C1orf141: variants seen among roughly 807,000 people sequenced by gnomAD.
C1orf141 encodes the protein chromosome 1 open reading frame 141.
Under a neutral mutation model 23.2 loss-of-function variants are expected in C1orf141, and 19 were observed. That is an observed-to-expected ratio of 0.82 (90% CI 0.57 to 1.20). The LOEUF is 1.20. C1orf141 is among the 50% of genes most tolerant of loss of function. The pLI, the probability that C1orf141 is intolerant of heterozygous loss-of-function variation, is 0.00. For synonymous variants in C1orf141, 153 were observed against 154.6 expected, an observed-to-expected ratio of 0.99 and a Z score of 0.08; for missense variants, 469 against 455.1, an observed-to-expected ratio of 1.03 and a Z score of -0.28.
intron 2 of C1orf141, among the ~76,000 whole-genome samples, chr1:67,129,067 G>GT (rs1196370936): frequency 2.0e-5 from 3 of 151,706 alleles, no homozygotes; most frequent in Non-Finnish European, 4.4e-5. Context: ...ATTTCTTCAT[G>GT]TACTGAATGA....
At chr1:67,125,645 G>C (rs1270034595) in intron 4 of C1orf141, 107 bp downstream of exon 4, 2 of 1,075,470 alleles carry the variant, frequency 1.9e-6, no homozygotes. Flanking sequence ...GCTGCAGTGA[G>C]CCATGTTTGC....
At chr1:67,136,933 T>C (rs1018214406), upstream of C1orf141, among the ~76,000 whole-genome samples, 3 of 152,240 alleles carry the variant, frequency 2.0e-5, no homozygotes, top group African/African-American at 7.2e-5. Flanking sequence ...AATTCAGTAT[T>C]TACTGAATGA....
At chr1:67,114,739 C>T (rs1323492076) in intron 5 of C1orf141, among the ~76,000 whole-genome samples, 6 of 152,148 alleles carry the variant, frequency 3.9e-5, no homozygotes, top group African/African-American at 7.2e-5. Flanking sequence ...TGCAGTGGCA[C>T]GATCTCAGCT....
chr1:67,102,492 A>T (rs557480628), intron 5 of C1orf141, among the ~76,000 whole-genome samples: 1 of 151,040 alleles, frequency 6.6e-6, no homozygotes, highest in African/African-American at 2.4e-5. Context: ...TTGGGAAAAC[A>T]TTTTTTTTTC....
At chr1:67,108,006 G>A (rs756145285) in intron 5 of C1orf141, among the ~76,000 whole-genome samples, 2 of 152,100 alleles carry the variant, frequency 1.3e-5, no homozygotes, top group Non-Finnish European at 2.9e-5. Flanking sequence ...TGAGAACTCT[G>A]CCATATACAC....
chr1:67,097,377 G>A (rs984692404), intron 5 of C1orf141, among the ~76,000 whole-genome samples: 4 of 152,188 alleles, frequency 2.6e-5, no homozygotes, highest in Admixed American at 6.6e-5. Flanking sequence ...TCTTTTAAGA[G>A]GGGATATTTG....
chr1:67,131,786 CTTTTTT>C (rs796496335), intron 1 of C1orf141, among the ~76,000 whole-genome samples: 1 of 121,514 alleles, frequency 8.2e-6, no homozygotes, highest in Non-Finnish European at 1.7e-5. Context: ...ACTACCTCTT[CTTTTTT>C]TTTTTTTTTT....
intron 5 of C1orf141, among the ~76,000 whole-genome samples, chr1:67,103,543 T>C (rs753231155): frequency 2.6e-4 from 40 of 152,124 alleles, no homozygotes; most frequent in Non-Finnish European, 5.1e-4. Flanking sequence ...TATTTAATTC[T>C]CAAAAAAACC....
At chr1:67,104,386 T>C (rs1220048982) in intron 5 of C1orf141, among the ~76,000 whole-genome samples, 3 of 151,980 alleles carry the variant, frequency 2.0e-5, no homozygotes, top group Non-Finnish European at 4.4e-5. Flanking sequence ...TTTATTGGGA[T>C]TAAAAGATAA....
At chr1:67,106,695 A>G (rs1035049285) in intron 5 of C1orf141, among the ~76,000 whole-genome samples, 11 of 152,076 alleles carry the variant, frequency 7.2e-5, no homozygotes, top group Admixed American at 5.2e-4. Flanking sequence ...AAACAAACAA[A>G]AACTATGCTT....
chr1:67,137,311 CAG>C (rs547585177), upstream of C1orf141, among the ~76,000 whole-genome samples: 24 of 152,276 alleles, frequency 1.6e-4, no homozygotes, highest in East Asian at 4.4e-3. Context: ...GTTCACAGGG[CAG>C]AGTCAGTCCC....
At chr1:67,113,764 A>T in intron 5 of C1orf141, 2 of 1,199,946 alleles carry the variant, frequency 1.7e-6, no homozygotes, top group Non-Finnish European at 2.2e-6. Context: ...TCACTATATG[A>T]TTTAAGGAAA....
At chr1:67,122,693 T>A (rs1340870310) in intron 4 of C1orf141, 1 of 152,208 alleles carries the variant, frequency 6.6e-6, no homozygotes, top group Middle Eastern at 3.2e-3. Context: ...CAAAAGTTCA[T>A]CCATTATTAC....
intron 4 of C1orf141, among the ~76,000 whole-genome samples, chr1:67,118,946 T>C (rs978552619): frequency 3.3e-5 from 5 of 152,202 alleles, no homozygotes; most frequent in African/African-American, 1.2e-4. Context: ...CAGGCTATGG[T>C]GTGCTGTTGT....
upstream of C1orf141, among the ~76,000 whole-genome samples, chr1:67,136,677 C>T (rs965360866): frequency 3.3e-5 from 5 of 152,106 alleles, no homozygotes; most frequent in Admixed American, 1.3e-4. Context: ...TAATTTCATC[C>T]TTTACTTTTC....
chr1:67,135,489 G>C (rs147207122), upstream of C1orf141, among the ~76,000 whole-genome samples: 9 of 152,286 alleles, frequency 5.9e-5, no homozygotes, highest in African/African-American at 1.4e-4. Context: ...AAGTTGTGTA[G>C]CAGACTTGGC....
rs528506864 is a variant in C1orf141 at position 67,127,134 on chromosome 1, T to G, written c.75+32A>C. ...ATTTGAAATGTTAACCTGTTAATGA[T>G]TAAACTGAATTGTAGCTTATACGTC... On this transcript the variant is annotated intron_variant, in intron 3 of 7. Coordinates refer to ENST00000684719, the MANE Select transcript of C1orf141 (RefSeq NM_001276351.2). The G allele has an allele frequency of 1.3e-5, 19 of 1,449,354 alleles. No individual in the cohort carries two copies. In the African/African-American group the frequency reaches 2.5e-4, roughly 19 times the overall value. 89.8% of individuals were successfully genotyped at this position (1,449,354 alleles called of 1,614,324 possible).
At chr1:67,111,448 A>G in intron 5 of C1orf141, 1 of 448,712 alleles carries the variant, frequency 2.2e-6, no homozygotes, top group Non-Finnish European at 4.0e-6. Flanking sequence ...AGATGAAATC[A>G]CTTTAACATT....
At chr1:67,103,379 C>T in intron 5 of C1orf141, 1 of 1,372,118 alleles carries the variant, frequency 7.3e-7, no homozygotes, top group Non-Finnish European at 9.6e-7. Context: ...CCTGCATTTT[C>T]CATCTAAACA....
Sources: allele counts gnomAD v4.1 joint callset (sites outside exome capture counted in the v4.1 genomes callset), GRCh38; gene constraint gnomAD v4.1.1; transcripts MANE v1.5; gene names NCBI Gene and HGNC (gene_info 2026-07-23, HGNC 2026-07-21).